Variants in TSC22D1 observed in about 807,000 individuals in gnomAD.
The protein encoded by TSC22D1 is TSC22 domain family member 1, also known as TSC22 domain family protein 1.
TSC22D1 carries 9 observed loss-of-function variants against 74.2 expected under a neutral mutation model. The observed-to-expected ratio is 0.12, with a 90% CI of 0.07 to 0.21. TSC22D1 has a LOEUF of 0.21. Among genes scored for constraint, TSC22D1 ranks in the 10% least tolerant of loss-of-function variants. The probability of loss-of-function intolerance (pLI) is 1.00; values close to 1 mark genes in which losing one functional copy is unlikely to be tolerated. For missense variants in TSC22D1, 1,427 were observed against 1,304.7 expected, an observed-to-expected ratio of 1.09 and a Z score of -1.44; for synonymous variants, 586 against 492.5, an observed-to-expected ratio of 1.19 and a Z score of -2.51.
intron 1 of TSC22D1, among the ~76,000 whole-genome samples, chr13:44,515,304 A>AT (rs566530368): frequency 7.2e-4 from 109 of 150,716 alleles, no homozygotes; most frequent in East Asian, 2.1e-3. Flanking sequence ...CTCTACAACT[A>AT]TTTTTTTTTT....
intron 1 of TSC22D1, among the ~76,000 whole-genome samples, chr13:44,477,509 C>G (rs1463472295): frequency 4.6e-5 from 7 of 152,072 alleles, no homozygotes; most frequent in Admixed American, 1.3e-4. Context: ...AAAGGCATGT[C>G]CTTCCATGGT....
intron 1 of TSC22D1, among the ~76,000 whole-genome samples, chr13:44,517,343 C>T (rs896527523): frequency 6.6e-6 from 1 of 151,688 alleles, no homozygotes; most frequent in South Asian, 2.1e-4. Flanking sequence ...AACACACACA[C>T]ACACACACAC....
chr13:44,571,169 A>G (rs920447041), intron 1 of TSC22D1, among the ~76,000 whole-genome samples: 2 of 152,216 alleles, frequency 1.3e-5, no homozygotes, highest in African/African-American at 2.4e-5. Context: ...AGACTGCTAA[A>G]CATAATTATA....
chr13:44,521,270 G>C (rs1012680662), intron 1 of TSC22D1, among the ~76,000 whole-genome samples: 2 of 152,172 alleles, frequency 1.3e-5, no homozygotes, highest in African/African-American at 4.8e-5. Context: ...AAGAAACCTA[G>C]GCAATTCCAT....
intron 1 of TSC22D1, among the ~76,000 whole-genome samples, chr13:44,554,858 A>G (rs549589421): frequency 6.6e-6 from 1 of 152,226 alleles, no homozygotes; most frequent in South Asian, 2.1e-4. Context: ...AATGGTCTTC[A>G]ACTCCCTATT....
intron 1 of TSC22D1, chr13:44,538,812 A>G: frequency 1.0e-6 from 1 of 985,442 alleles, no homozygotes; most frequent in Non-Finnish European, 1.2e-6. Flanking sequence ...CATGTGTGAC[A>G]GATATCATCC....
At chr13:44,493,357 G>T (rs1234680021) in intron 1 of TSC22D1, among the ~76,000 whole-genome samples, 1 of 152,126 alleles carries the variant, frequency 6.6e-6, no homozygotes, top group Non-Finnish European at 1.5e-5. Context: ...ACAACCTTCA[G>T]GCCTGACAAA....
At position 44,573,746 on chromosome 13, in the gene TSC22D1, C is replaced by G; in HGVS notation, c.2329G>C (p.Val777Leu). 1.9e-6 allele frequency: 3 copies of G among 1,614,234 alleles called. No homozygotes were observed. In the South Asian group the frequency reaches 3.3e-5, roughly 18 times the overall value. Residue 777 changes from valine to leucine, a missense_variant, in exon 1 of 3, where the codon GTT becomes CTT. Around this residue, in one of 3 missense-constraint regions of TSC22D1, gnomAD observed 1,343 missense variants for 1,191.5 expected, o/e 1.13. Transcript: ENST00000458659. ...GGAAGGCTTGGAGCACTAGTTTGAA[C>G]TCCCTGATGAATAATCCCAGTTTGA... ...PAQTGIIHQG[V>L]QTSAPSLPQQ...
intron 1 of TSC22D1, among the ~76,000 whole-genome samples, chr13:44,460,880 G>A (rs930225904): frequency 1.1e-4 from 16 of 152,136 alleles, no homozygotes; most frequent in African/African-American, 3.9e-4. Flanking sequence ...CTTCTAAAAA[G>A]CTTTCAAACC....
rs762328392 is a variant in TSC22D1 at position 44,575,595 on chromosome 13, G to A, written c.480C>T (p.Ser160=). ...CGGGCTCCCCTAAGTCAGTAGCCCT[G>A]GAAAGTGACACATCAAGGATCTCCG... ...SSSEILDVSL[S]RATDLGEPER... The change falls in exon 1 of 3, where the codon TCC becomes TCT. Residue 160 remains serine (S), a synonymous_variant. Transcript: ENST00000458659. The A allele has an allele frequency of 2.5e-6, 4 of 1,614,120 alleles. No individual in the cohort carries two copies. The South Asian group carries it at 4.4e-5, about 18-fold the overall frequency.
chr13:44,439,997 C>G (rs1875056294), intron 1 of TSC22D1, among the ~76,000 whole-genome samples: 1 of 152,190 alleles, frequency 6.6e-6, no homozygotes, highest in Non-Finnish European at 1.5e-5. Context: ...GCACATTACC[C>G]TGTACCTGAC....
chr13:44,551,389 G>GCGGT (rs1555272494), intron 1 of TSC22D1, among the ~76,000 whole-genome samples: 1 of 125,252 alleles, frequency 8.0e-6, no homozygotes, highest in African/African-American at 3.1e-5. Context: ...CAATCAGATG[G>GCGGT]GTGTGTGTGT....
intron 1 of TSC22D1, among the ~76,000 whole-genome samples, chr13:44,438,695 A>T (rs956646628): frequency 2.0e-5 from 3 of 150,868 alleles, no homozygotes; most frequent in South Asian, 2.1e-4. Flanking sequence ...ATGATGCTTT[A>T]AAAAAAAAGA....
chr13:44,440,154 T>C (rs1470378315), intron 1 of TSC22D1, among the ~76,000 whole-genome samples: 1 of 152,204 alleles, frequency 6.6e-6, no homozygotes, highest in Non-Finnish European at 1.5e-5. Flanking sequence ...ACAAATAGTG[T>C]TTTAGTGTTG....
In TSC22D1 at chr13:44,473,119, G is replaced by A. The variant is rs1023590352; in HGVS notation, c.2913-37024C>T. Among the ~76,000 whole-genome samples, 144 of 152,220 alleles carry A rather than the reference G, an allele frequency of 9.5e-4. 1 individual carries two copies. Among genetic ancestry groups the A allele is most frequent in the Non-Finnish European group, 1.0e-4 (7 of 68,014 alleles). On this transcript the variant is annotated intron_variant, in intron 1 of 2. Transcript: ENST00000458659. ...ACATCTTTTATTCAAACTGATTAAT[G>A]CATTTTTAGATTTAAAATATTAAAT... is the stretch of plus-strand genomic sequence containing the variant.
intron 1 of TSC22D1, among the ~76,000 whole-genome samples, chr13:44,554,050 T>C (rs775465081): frequency 1.3e-5 from 2 of 152,206 alleles, no homozygotes; most frequent in Non-Finnish European, 2.9e-5. Flanking sequence ...GCTTTCCATT[T>C]TAACTTACAG....
chr13:44,563,612 C>CA (rs1883183818), intron 1 of TSC22D1, among the ~76,000 whole-genome samples: 1 of 152,146 alleles, frequency 6.6e-6, no homozygotes, highest in South Asian at 2.1e-4. Flanking sequence ...TATTTCCCCC[C>CA]ATTTTTATTA....
Position 44,434,419 on chromosome 13 carries a change from C to T in TSC22D1, c.*207G>A. On this transcript the variant is annotated 3_prime_UTR_variant, in exon 3 of 3. Transcript: ENST00000458659. ...ATATCCATGCTAATTCTCGGATTAA[C>T]CTTTAATTCACCCAACTAAGAAATT... 7.4e-7 allele frequency: 1 copy of T among 1,357,874 alleles called. No individual in the cohort carries two copies. The highest frequency in any genetic ancestry group is 9.4e-7 in the Non-Finnish European group (1 of 1,063,550). 84.1% of individuals were successfully genotyped at this position (1,357,874 alleles called of 1,614,324 possible).
At chr13:44,469,824 T>G (rs1877498706) in intron 1 of TSC22D1, among the ~76,000 whole-genome samples, 1 of 152,190 alleles carries the variant, frequency 6.6e-6, no homozygotes, top group South Asian at 2.1e-4. Flanking sequence ...CAAGCAGAAC[T>G]GAGAAGAGTC....
Sources: gnomAD v4.1 joint callset for allele counts (sites outside exome capture counted in the v4.1 genomes callset) on GRCh38, gnomAD v4.1.1 for gene constraint, gnomAD v4.1.1 regional missense constraint, MANE v1.5 for transcripts, NCBI Gene and HGNC (gene_info 2026-07-23, HGNC 2026-07-21) for gene names.